Variants in AVEN observed in about 807,000 individuals in gnomAD.
AVEN encodes cell death regulator Aven.
In AVEN, 41 loss-of-function variants were observed where a neutral mutation model predicts 38.1. The ratio of observed to expected loss-of-function variants is 1.08; its 90% CI spans 0.84 to 1.40. The LOEUF is 1.40. Among genes scored for constraint, AVEN ranks in the 40% most tolerant of loss-of-function variants. AVEN has a pLI of 0.00. For missense variants in AVEN, 605 were observed against 438.8 expected, an observed-to-expected ratio of 1.38 and a Z score of -3.38; for synonymous variants, 206 against 171.8, an observed-to-expected ratio of 1.20 and a Z score of -1.56.
chr15:34,025,659 T>C (rs965454524), intron 1 of AVEN, among the ~76,000 whole-genome samples: 3 of 152,192 alleles, frequency 2.0e-5, no homozygotes, highest in Non-Finnish European at 4.4e-5. Context: ...GAAATACACA[T>C]TGAAGTGTTT....
chr15:33,853,208 AG>A, the AVEN span: 2 of 989,850 alleles, frequency 2.0e-6, no homozygotes, highest in Non-Finnish European at 2.9e-6. Context: ...TATCTCAAGA[AG>A]AGTAAGTCAC....
At chr15:33,947,209 G>A (rs955806251) in intron 2 of AVEN, among the ~76,000 whole-genome samples, 2 of 152,086 alleles carry the variant, frequency 1.3e-5, no homozygotes, top group Admixed American at 6.5e-5. Flanking sequence ...GGGACACCAC[G>A]GACAGAAAAT....
chr15:33,903,951 A>G (rs1245694693), intron 2 of AVEN, among the ~76,000 whole-genome samples: 2 of 152,184 alleles, frequency 1.3e-5, no homozygotes, highest in Admixed American at 1.3e-4. Flanking sequence ...TGTACTGAAT[A>G]CTGCAGGCAA....
rs117320165 is a variant in AVEN, at chr15:33,960,431, G to A, written c.445+42601C>T. ...GAGAGTCTGTGTCTCGTGTGTGTGTGTGTTGTGTGTGTGAGAGAGAGAGAG... is the reference window on the plus strand; with the variant it reads ...GAGAGTCTGTGTCTCGTGTGTGTGTATGTTGTGTGTGTGAGAGAGAGAGAG... On this transcript the variant is annotated intron_variant, in intron 2 of 5. Transcript: ENST00000306730. Among the ~76,000 whole-genome samples, 1,240 of 139,130 alleles carry A rather than the reference G, an allele frequency of 8.9e-3. 9 individuals carry two copies. The highest frequency in any genetic ancestry group is 0.014 in the Non-Finnish European group (951 of 66,856). 91.3% of individuals were successfully genotyped at this position (139,130 alleles called of 152,430 possible).
chr15:34,006,310 C>CAAAA (rs796228574), intron 1 of AVEN, among the ~76,000 whole-genome samples: 1 of 121,380 alleles, frequency 8.2e-6, no homozygotes. Flanking sequence ...GACTCCGTCT[C>CAAAA]AAAAAAAAAA....
chr15:33,952,210 A>G (rs1040336702), intron 2 of AVEN, among the ~76,000 whole-genome samples: 1 of 152,216 alleles, frequency 6.6e-6, no homozygotes, highest in Non-Finnish European at 1.5e-5. Context: ...CAATAGCAAG[A>G]TAAGTCAGCC....
chr15:34,014,308 G>A (rs1433084882), intron 1 of AVEN, among the ~76,000 whole-genome samples: 2 of 141,690 alleles, frequency 1.4e-5, no homozygotes, highest in African/African-American at 5.3e-5. Flanking sequence ...AGATTACAGT[G>A]AGCCAAGATT....
intron 1 of AVEN, among the ~76,000 whole-genome samples, chr15:34,028,723 C>T (rs2243858): frequency 0.64 from 97,572 of 151,960 alleles, 36,672 homozygotes; most frequent in Non-Finnish European, 0.85. Context: ...CTTTCACAGG[C>T]GAGGAAACTG....
intron 1 of AVEN, among the ~76,000 whole-genome samples, chr15:34,017,341 G>A (rs1278255377): frequency 6.6e-6 from 1 of 152,022 alleles, no homozygotes; most frequent in Non-Finnish European, 1.5e-5. Flanking sequence ...AAGTTAAGCA[G>A]ATTCCCCAAA....
At chr15:34,056,442 G>A (rs1900153420) in intron 5 of AVEN, among the ~76,000 whole-genome samples, 1 of 152,200 alleles carries the variant, frequency 6.6e-6, no homozygotes, top group Non-Finnish European at 1.5e-5. Context: ...GGCTAGATAA[G>A]CTAAGCTACC....
At chr15:34,025,521 G>A (rs1054678966) in intron 1 of AVEN, among the ~76,000 whole-genome samples, 4 of 152,104 alleles carry the variant, frequency 2.6e-5, no homozygotes, top group African/African-American at 4.8e-5. Context: ...CTCAAGACTC[G>A]AAGCCTAATA....
chr15:33,935,019 AAAG>A (rs1435620380), intron 2 of AVEN, among the ~76,000 whole-genome samples: 1 of 152,190 alleles, frequency 6.6e-6, no homozygotes, highest in Non-Finnish European at 1.5e-5. Context: ...TCATCTATGA[AAAG>A]AAGGATCCAA....
intron 2 of AVEN, among the ~76,000 whole-genome samples, chr15:33,920,689 C>T (rs1217971253): frequency 1.3e-5 from 2 of 152,196 alleles, no homozygotes. Context: ...AAGGGCCACA[C>T]CTGATTCATC....
chr15:33,864,103 CCAGAGTATCT>C (rs779824825), downstream of AVEN: 2 of 1,539,586 alleles, frequency 1.3e-6, no homozygotes, highest in East Asian at 4.5e-5. Context: ...TGGGTCTTGA[CCAGAGTATCT>C]AATACTATCT....
At chr15:33,932,780 G>A (rs1193181907) in intron 2 of AVEN, among the ~76,000 whole-genome samples, 2 of 152,006 alleles carry the variant, frequency 1.3e-5, no homozygotes, top group Non-Finnish European at 2.9e-5. Context: ...AGCCGAGATC[G>A]TGCCATTGCA....
chr15:33,976,329 T>C (rs1424911455), intron 2 of AVEN, among the ~76,000 whole-genome samples: 1 of 152,266 alleles, frequency 6.6e-6, no homozygotes, highest in East Asian at 1.9e-4. Context: ...ATTCCTGCTT[T>C]GAAGTCAATC....
Position 34,009,981 on chromosome 15 carries a change from CAT to C in AVEN, c.268-6774_268-6773del, listed in dbSNP as rs1177610579. 7.2e-5 allele frequency among the ~76,000 whole-genome samples: 11 copies of C among 151,806 alleles called. No individual in the cohort carries two copies. The East Asian group carries it at 2.1e-3, about 29-fold the overall frequency. On this transcript the variant is annotated intron_variant, in intron 1 of 5. Coordinates refer to ENST00000306730, the MANE Select transcript of AVEN (RefSeq NM_020371.3). ...TGTCTCTTAAAAGAAAAAAAAGAAA[CAT>C]AATAATTATGAACATATAAACATAT...
chr15:33,863,355 G>C (rs900523532), downstream of AVEN, among the ~76,000 whole-genome samples: 1 of 152,044 alleles, frequency 6.6e-6, no homozygotes, highest in African/African-American at 2.4e-5. Flanking sequence ...TGCTACTGTG[G>C]GCCAGGACCT....
chr15:34,052,600 A>G (rs1899967969), intron 5 of AVEN, among the ~76,000 whole-genome samples: 1 of 152,246 alleles, frequency 6.6e-6, no homozygotes, highest in African/African-American at 2.4e-5. Context: ...AGAAAGCTCC[A>G]TCATTTCAGC....
Sources: allele counts gnomAD v4.1 joint callset (sites outside exome capture counted in the v4.1 genomes callset), GRCh38; gene constraint gnomAD v4.1.1; transcripts MANE v1.5; gene names NCBI Gene and HGNC (gene_info 2026-07-23, HGNC 2026-07-21).